ZNF471: variants seen among roughly 807,000 people sequenced by gnomAD.
The protein encoded by ZNF471 is EZFIT-related protein 1.
Under a neutral mutation model 13.7 loss-of-function variants are expected in ZNF471, and 7 were observed. The ratio of observed to expected loss-of-function variants is 0.51; its 90% CI spans 0.29 to 0.96. The LOEUF is 0.96. ZNF471 is among the 40% of genes least tolerant of loss of function. The pLI is 0.08. For synonymous variants in ZNF471, 218 were observed against 235.6 expected, an observed-to-expected ratio of 0.93 and a Z score of 0.68; for missense variants, 663 against 743.3, an observed-to-expected ratio of 0.89 and a Z score of 1.26.
chr19:56,510,696 C>G lies in ZNF471; in HGVS notation c.-55-821C>G, dbSNP rs2043798522. 1 of 985,472 alleles carries G rather than the reference C, an allele frequency of 1.0e-6. No individual in the cohort carries two copies. Among genetic ancestry groups the G allele is most frequent in the Non-Finnish European group, 1.2e-6 (1 of 829,952 alleles). The allele number at this position is 985,472 out of a possible 1,614,324, so 61.0% of individuals were successfully genotyped here. ...TACCCATAATTGTGGCCCTGTATGA[C>G]TGCTGTGTATGGAGAGACTACTTGG... On this transcript the variant is annotated intron_variant, in intron 1 of 4. Coordinates refer to ENST00000308031, the MANE Select transcript of ZNF471 (RefSeq NM_020813.4). This position sits in a 1 kb window ranked among gnomAD's most constrained non-coding sequence, Gnocchi z 4.3.
Position 56,525,311 on chromosome 19 carries a change from G to A in ZNF471, c.1244G>A (p.Gly415Asp), listed in dbSNP as rs1323406275. The A allele has an allele frequency of 6.2e-7, 1 of 1,611,546 alleles. No homozygotes were observed. ...GTGTGTGGAAAAACCTTCAGCTCGG[G>A]TTCATCCCGTACTGTACATCAGAGA... ...CGVCGKTFSS[G>D]SSRTVHQRIH... Residue 415 changes from glycine to aspartate, a missense_variant, in exon 5 of 5, where the codon GGT (glycine) becomes GAT (aspartate). Gly to Asp is a moderately conservative substitution (Grantham distance 94). Transcript: ENST00000308031.
In ZNF471 at chr19:56,526,632, T is replaced by C. The variant is rs1600526185; in HGVS notation, c.*684T>C. On this transcript the variant is annotated 3_prime_UTR_variant, in exon 5 of 5. Transcript: ENST00000308031. ...GGAATTCTCCCTGCCAGCACAGCAGTCTGAAGTCAACCTGGGATGATCAAG... is the reference window on the plus strand; with the variant it reads ...GGAATTCTCCCTGCCAGCACAGCAGCCTGAAGTCAACCTGGGATGATCAAG... 6.6e-6 allele frequency: 1 copy of C among 152,270 alleles called. No homozygotes were observed. Among genetic ancestry groups the C allele is most frequent in the East Asian group, 1.9e-4 (1 of 5,156 alleles). 9.4% of individuals were successfully genotyped at this position (152,270 alleles called of 1,614,324 possible). A position where few individuals can be genotyped will look rare whatever the true frequency, so the allele number is the denominator to read the frequency against.
At chr19:56,507,950 C>G in intron 1 of ZNF471, 30 bp downstream of exon 1, 1 of 985,964 alleles carries the variant, frequency 1.0e-6, no homozygotes, top group Non-Finnish European at 1.2e-6. Flanking sequence ...GGAGTCCGAG[C>G]TCGAGGGCTG....
In ZNF471 at chr19:56,510,596, T is replaced by A. The variant is rs555411834; in HGVS notation, c.-55-921T>A. The A allele has an allele frequency of 6.1e-6, 6 of 985,712 alleles. No individual in the cohort carries two copies. In the East Asian group the frequency reaches 6.8e-4, roughly 112 times the overall value. 61.1% of individuals were successfully genotyped at this position (985,712 alleles called of 1,614,324 possible). A position where few individuals can be genotyped will look rare whatever the true frequency, so the allele number is the denominator to read the frequency against. On this transcript the variant is annotated intron_variant, in intron 1 of 4. Coordinates refer to ENST00000308031, the MANE Select transcript of ZNF471 (RefSeq NM_020813.4). The surrounding 1 kb of genome is among the most constrained non-coding windows in gnomAD (Gnocchi z 4.3). Reference sequence around the variant, plus strand: ...TGGAAATGTGACTGTGTATATGTGCTTGTTTTGGGGTGCTTGTGATTGTGT... The same window carrying A: ...TGGAAATGTGACTGTGTATATGTGCATGTTTTGGGGTGCTTGTGATTGTGT...
chr19:56,523,571 C>T (rs1331755568), intron 4 of ZNF471, among the ~76,000 whole-genome samples: 1 of 152,008 alleles, frequency 6.6e-6, no homozygotes, highest in African/African-American at 2.4e-5. Flanking sequence ...CACCTAAATC[C>T]TAAGATAATC....
intron 2 of ZNF471, among the ~76,000 whole-genome samples, chr19:56,514,772 A>T (rs1034533843): frequency 6.6e-6 from 1 of 152,142 alleles, no homozygotes; most frequent in African/African-American, 2.4e-5. Context: ...TCACTTTTCC[A>T]TACTGTACTG....
chr19:56,515,440 A>G (rs2043870902), intron 2 of ZNF471, among the ~76,000 whole-genome samples: 1 of 152,246 alleles, frequency 6.6e-6, no homozygotes, highest in African/African-American at 2.4e-5. Context: ...TGAAAAATAT[A>G]TTAAACATTT....
At chr19:56,518,223 C>T (rs2043920232) in intron 3 of ZNF471, among the ~76,000 whole-genome samples, 1 of 152,136 alleles carries the variant, frequency 6.6e-6, no homozygotes, top group East Asian at 1.9e-4. Context: ...TAAAATACCT[C>T]ATTTACTACT....
chr19:56,508,439 A>C lies in ZNF471; in HGVS notation c.-56+519A>C, dbSNP rs1157919434. Among the ~76,000 whole-genome samples, 1 of 151,576 alleles carries C rather than the reference A, an allele frequency of 6.6e-6. No homozygotes were observed. The highest frequency in any genetic ancestry group is 2.0e-4 in the East Asian group (1 of 5,096). ...TAAGTGTGTAACAGACCAGGTGTCC[A>C]GAGCGTGAGACCAGGATGTATTCGT... On this transcript the variant is annotated intron_variant, in intron 1 of 4. Coordinates refer to ENST00000308031, the MANE Select transcript of ZNF471 (RefSeq NM_020813.4). The surrounding 1 kb of genome is among the most constrained non-coding windows in gnomAD (Gnocchi z 4.7).
In ZNF471 at chr19:56,524,750, A is replaced by G. The variant is rs774254513; in HGVS notation, c.683A>G (p.His228Arg). The change falls in exon 5 of 5, where the codon CAT becomes CGT. Residue 228 changes from histidine to arginine, a missense_variant. Coordinates refer to ENST00000308031, the MANE Select transcript of ZNF471 (RefSeq NM_020813.4). The surrounding 1 kb of genome is among the most constrained non-coding windows in gnomAD (Gnocchi z 4.8). Reference protein sequence around the residue: ...SSSLTVHFRIHTGEKPYACEE... With the variant: ...SSSLTVHFRIRTGEKPYACEE... ...TCCCTTACTGTTCATTTTAGAATTC[A>G]TACTGGTGAAAAACCATATGCATGT... 11 of 1,607,852 alleles carry G rather than the reference A, an allele frequency of 6.8e-6. No homozygotes were observed. Among genetic ancestry groups the G allele is most frequent in the South Asian group, 5.6e-5 (5 of 89,386 alleles).
At chr19:56,512,440 T>A (rs1483346669) in intron 2 of ZNF471, among the ~76,000 whole-genome samples, 1 of 152,030 alleles carries the variant, frequency 6.6e-6, no homozygotes. Context: ...ATTAACTTTT[T>A]ATGTTAAATT....
In ZNF471 at chr19:56,507,899, T is replaced by C. The variant is rs1162244001; in HGVS notation, c.-77T>C. The C allele has an allele frequency of 7.1e-6, 7 of 985,448 alleles. No individual in the cohort carries two copies. The highest frequency in any genetic ancestry group is 5.2e-4 in the Middle Eastern group (1 of 1,940). The allele number at this position is 985,448 out of a possible 1,614,324, so 61.0% of individuals were successfully genotyped here. A position where few individuals can be genotyped will look rare whatever the true frequency, so the allele number is the denominator to read the frequency against. On this transcript the variant is annotated 5_prime_UTR_variant, in exon 1 of 5. Coordinates refer to ENST00000308031, the MANE Select transcript of ZNF471 (RefSeq NM_020813.4). ...ACGGAGTCCTTCGGATGAGAGCGTC[T>C]GGGTGCCAGACGAGGCCGGGGGTTT...
In ZNF471 at chr19:56,524,212, A is replaced by C; in HGVS notation, c.257-112A>C. ...TGTTTTCCAGTTGACATGCCTGTAC[A>C]TAACAGGTTTTGTGAGATTTATTAA... On this transcript the variant is annotated intron_variant, in intron 4 of 4. Coordinates refer to ENST00000308031, the MANE Select transcript of ZNF471 (RefSeq NM_020813.4). This position sits in a 1 kb window ranked among gnomAD's most constrained non-coding sequence, Gnocchi z 4.8. 2.6e-6 allele frequency: 2 copies of C among 768,030 alleles called. No homozygotes were observed. The allele number at this position is 768,030 out of a possible 1,614,324, so 47.6% of individuals were successfully genotyped here.
Position 56,524,784 on chromosome 19 carries a change from T to C in ZNF471, c.717T>C (p.Cys239=). 1 of 1,613,300 alleles carries C rather than the reference T, an allele frequency of 6.2e-7. No individual in the cohort carries two copies. The highest frequency in any genetic ancestry group is 1.1e-5 in the South Asian group (1 of 90,852). Reference sequence around the variant, plus strand: ...AAAAACCATATGCATGTGAGGAATGTGGAAAAGCCTTCAAGCAAAGGCAAC... The same window carrying C: ...AAAAACCATATGCATGTGAGGAATGCGGAAAAGCCTTCAAGCAAAGGCAAC... ...TGEKPYACEE[C]GKAFKQRQHL... The change falls in exon 5 of 5, where the codon TGT becomes TGC. Residue 239 remains cysteine, a synonymous_variant. Transcript: ENST00000308031. This position sits in a 1 kb window ranked among gnomAD's most constrained non-coding sequence, Gnocchi z 4.8.
Position 56,525,620 on chromosome 19 carries a change from T to G in ZNF471, c.1553T>G (p.Ile518Ser). The G allele has an allele frequency of 6.2e-7, 1 of 1,614,030 alleles. No individual in the cohort carries two copies. ...IHTGEKPYEC[I>S]ECGNAFKQRS... Reference sequence around the variant, plus strand: ...ACTGGAGAGAAGCCTTATGAATGTATTGAATGTGGAAATGCTTTCAAACAG... The same window carrying G: ...ACTGGAGAGAAGCCTTATGAATGTAGTGAATGTGGAAATGCTTTCAAACAG... Residue 518 changes from isoleucine (I) to serine (S), a missense_variant, in exon 5 of 5, where the codon ATT becomes AGT. Physicochemically the swap from Ile to Ser is moderately radical, Grantham distance 142. Coordinates refer to ENST00000308031, the MANE Select transcript of ZNF471 (RefSeq NM_020813.4).
rs977554086 is a variant in ZNF471, at chr19:56,516,649, T to C, written c.160+248T>C. ...AGACACAATGTGAATCTCACCAGTC[T>C]CCTCAGTTTCCTTGTTCTCTCTCTC... is the stretch of plus-strand genomic sequence containing the variant. On this transcript the variant is annotated intron_variant, in intron 3 of 4. Transcript: ENST00000308031. The surrounding 1 kb of genome is among the most constrained non-coding windows in gnomAD (Gnocchi z 4.4). Among the ~76,000 whole-genome samples the C allele has an allele frequency of 6.6e-6, 1 of 152,220 alleles. No individual in the cohort carries two copies. Among genetic ancestry groups the C allele is most frequent in the Non-Finnish European group, 1.5e-5 (1 of 68,040 alleles).
Position 56,508,838 on chromosome 19 carries a change from G to A in ZNF471, c.-56+918G>A, listed in dbSNP as rs1430594966. 6.6e-6 allele frequency among the ~76,000 whole-genome samples: 1 copy of A among 152,088 alleles called. No individual in the cohort carries two copies. On this transcript the variant is annotated intron_variant, in intron 1 of 4. Coordinates refer to ENST00000308031, the MANE Select transcript of ZNF471 (RefSeq NM_020813.4). This position sits in a 1 kb window ranked among gnomAD's most constrained non-coding sequence, Gnocchi z 4.7. ...TGAGACCAGTGAGTGTGAGAGAGAT[G>A]AGCACGTGGCTGTGTGTGAAAGACC...
rs187002418 is a variant in ZNF471, at chr19:56,508,566, T to G, written c.-56+646T>G. Among the ~76,000 whole-genome samples, 1 of 151,536 alleles carries G rather than the reference T, an allele frequency of 6.6e-6. No individual in the cohort carries two copies. The highest frequency in any genetic ancestry group is 2.4e-5 in the African/African-American group (1 of 41,244). On this transcript the variant is annotated intron_variant, in intron 1 of 4. Coordinates refer to ENST00000308031, the MANE Select transcript of ZNF471 (RefSeq NM_020813.4). The surrounding 1 kb of genome is among the most constrained non-coding windows in gnomAD (Gnocchi z 4.7). ...AGGCCGGTCGGTCGGTGGGTGAGGC[T>G]CAATGAGAGGCCGGTGTGTGTTCGA...
chr19:56,526,899 G>C lies in ZNF471; in HGVS notation c.*951G>C, dbSNP rs1487873912. On this transcript the variant is annotated 3_prime_UTR_variant, in exon 5 of 5. Coordinates refer to ENST00000308031, the MANE Select transcript of ZNF471 (RefSeq NM_020813.4). ...ACGTGGGGGAAAGGGGTGGCTGTGG[G>C]CACAGCTTCAGCAGACTTAAACATT... 1 of 152,486 alleles carries C rather than the reference G, an allele frequency of 6.6e-6. No homozygotes were observed. Among genetic ancestry groups the C allele is most frequent in the Non-Finnish European group, 1.5e-5 (1 of 68,264 alleles). 9.4% of individuals were successfully genotyped at this position (152,486 alleles called of 1,614,324 possible). A position where few individuals can be genotyped will look rare whatever the true frequency, so the allele number is the denominator to read the frequency against.
Sources: allele counts gnomAD v4.1 joint callset (sites outside exome capture counted in the v4.1 genomes callset), GRCh38; gene constraint gnomAD v4.1.1; non-coding constraint Gnocchi (gnomAD v3.1); transcripts MANE v1.5; gene names NCBI Gene and HGNC (gene_info 2026-07-23, HGNC 2026-07-21).